Variants in DOCK7 observed in about 807,000 individuals in gnomAD.
DOCK7 encodes dedicator of cytokinesis protein 7.
DOCK7 carries 138 observed loss-of-function variants against 271.0 expected under a neutral mutation model. The ratio of observed to expected loss-of-function variants is 0.51; its 90% CI spans 0.44 to 0.59. The LOEUF (loss-of-function observed/expected upper bound fraction) is 0.59. Ranked by LOEUF, DOCK7 falls within the 20% of genes least tolerant of loss-of-function variation. DOCK7 has a pLI of 0.00. For missense variants in DOCK7, 2,066 were observed against 2,592.4 expected (o/e 0.80, Z 4.41); for synonymous variants, 823 against 876.1 (o/e 0.94, Z 1.07).
intron 14 of DOCK7, chr1:62,607,625 G>C (rs1394531936): frequency 6.6e-6 from 1 of 152,200 alleles, no homozygotes; most frequent in Non-Finnish European, 1.5e-5. Flanking sequence ...TACTGAAGAA[G>C]TGTAACAGCA....
At chr1:62,531,237 T>C (rs1345101961) in intron 29 of DOCK7, among the ~76,000 whole-genome samples, 1 of 152,236 alleles carries the variant, frequency 6.6e-6, no homozygotes, top group Non-Finnish European at 1.5e-5. Context: ...AGGTATGCCT[T>C]ATCTCTCAGC....
chr1:62,489,064 G>C lies in DOCK7; in HGVS notation c.5363C>G (p.Ala1788Gly), dbSNP rs753066795. The change falls in exon 42 of 50, where the codon GCT becomes GGT. Residue 1788 changes from alanine to glycine, a missense_variant and splice_region_variant. Ala to Gly is a moderately conservative substitution (Grantham distance 60). Transcript: ENST00000635253. ...LEQAAASFSM[A>G]GMYEAVNEVY... is the part of the protein sequence containing the mutation. ...TTCATTAACTGCTTCATACATGCCA[G>C]CCTATAAGAAAAAATTTTGTTAAGA... 5 of 1,550,802 alleles carry C rather than the reference G, an allele frequency of 3.2e-6. No individual in the cohort carries two copies. In the East Asian group the frequency reaches 1.1e-4, roughly 36 times the overall value.
intron 49 of DOCK7, among the ~76,000 whole-genome samples, chr1:62,456,930 C>T (rs980109372): frequency 2.0e-5 from 3 of 152,218 alleles, no homozygotes; most frequent in Admixed American, 6.5e-5. Flanking sequence ...TATGTAAATT[C>T]GATTTCAAAA....
intron 2 of DOCK7, among the ~76,000 whole-genome samples, chr1:62,662,481 G>A (rs888822112): frequency 2.6e-5 from 4 of 152,056 alleles, no homozygotes; most frequent in Admixed American, 2.6e-4. Flanking sequence ...AAAGTTCTAG[G>A]GCCGGACGCG....
At chr1:62,576,737 C>A (rs556626836) in intron 18 of DOCK7, among the ~76,000 whole-genome samples, 3 of 152,154 alleles carry the variant, frequency 2.0e-5, no homozygotes, top group African/African-American at 7.2e-5. Flanking sequence ...GAGATTTTTC[C>A]AATATTTGTG....
intron 14 of DOCK7, among the ~76,000 whole-genome samples, chr1:62,614,724 T>C (rs938306872): frequency 6.6e-6 from 1 of 152,004 alleles, no homozygotes; most frequent in Non-Finnish European, 1.5e-5. Context: ...ATATAGGTAC[T>C]TTTATTATAC....
intron 1 of DOCK7, among the ~76,000 whole-genome samples, chr1:62,679,678 T>C (rs1660895578): frequency 1.3e-5 from 2 of 152,182 alleles, no homozygotes; most frequent in Admixed American, 6.5e-5. Context: ...AGCAACATTG[T>C]TGTGAGACTG....
At chr1:62,499,238 C>A (rs1646710129) in intron 37 of DOCK7, among the ~76,000 whole-genome samples, 1 of 152,138 alleles carries the variant, frequency 6.6e-6, no homozygotes, top group South Asian at 2.1e-4. Context: ...GACTTTATTT[C>A]ATAAACAAAG....
chr1:62,662,214 G>C (rs912751697), intron 2 of DOCK7, among the ~76,000 whole-genome samples: 1 of 151,894 alleles, frequency 6.6e-6, no homozygotes, highest in Non-Finnish European at 1.5e-5. Flanking sequence ...GACAAATGGA[G>C]GTATGTTTTT....
At chr1:62,516,723 C>T (rs1644672608) in intron 31 of DOCK7, 1 of 152,204 alleles carries the variant, frequency 6.6e-6, no homozygotes, top group Non-Finnish European at 1.5e-5. Flanking sequence ...CCTCAACAGG[C>T]CCAGCCTTCA....
intron 48 of DOCK7, among the ~76,000 whole-genome samples, chr1:62,464,902 G>C (rs1168203321): frequency 6.6e-6 from 1 of 152,114 alleles, no homozygotes; most frequent in Non-Finnish European, 1.5e-5. Flanking sequence ...AAATTGTGTA[G>C]TTGAGAAAAA....
intron 4 of DOCK7, among the ~76,000 whole-genome samples, 171 bp downstream of exon 4, chr1:62,653,554 T>C (rs967815821): frequency 4.6e-5 from 7 of 152,208 alleles, no homozygotes; most frequent in Non-Finnish European, 1.0e-4. Context: ...AAAGTAAAAG[T>C]ATTACAGAAA....
At chr1:62,676,726 A>G (rs1056662674) in intron 1 of DOCK7, among the ~76,000 whole-genome samples, 3 of 152,240 alleles carry the variant, frequency 2.0e-5, no homozygotes, top group African/African-American at 7.2e-5. Context: ...TATGAAAATT[A>G]TTAAATGGTT....
In DOCK7 at chr1:62,513,895, C is replaced by G. The variant is rs1195242463; in HGVS notation, c.3940G>C (p.Gly1314Arg). ...GCTGAAAAGGTAGTGTGTTGCCTGC[C>G]ACTCTGAAAATAAAGAGCAGTAGAA... ...PGSFLLTSTS[G>R]RQHTTFSAES... Residue 1314 changes from glycine to arginine, a missense_variant, in exon 32 of 50, where the codon GGC becomes CGC. By Grantham distance (125) the Gly-to-Arg change is moderately radical (BLOSUM62 -2). This residue lies in a region of DOCK7 where 1,414 missense variants were observed against 1,670.4 expected (regional missense o/e 0.85). Transcript: ENST00000635253. 6.2e-7 allele frequency: 1 copy of G among 1,610,964 alleles called. No individual in the cohort carries two copies. The highest frequency in any genetic ancestry group is 1.1e-5 in the South Asian group (1 of 90,282).
At position 62,510,603 on chromosome 1, in the gene DOCK7, C is replaced by T; in HGVS notation, c.4353G>A (p.Trp1451Ter). ...TGTCAAGCTTCTCTGTGTTTTGACGCCAGTGAGTCATATCTTTCCTCCACC... is the reference window on the plus strand; with the variant it reads ...TGTCAAGCTTCTCTGTGTTTTGACGTCAGTGAGTCATATCTTTCCTCCACC... ...NLRWRKDMTH[W>*]RQNTEKLDKS... The change falls in exon 34 of 50, where the codon TGG (tryptophan) becomes TGA (stop). Residue 1451 changes from tryptophan to a stop codon, truncating the protein, a stop_gained. Coordinates refer to ENST00000635253, the MANE Select transcript of DOCK7 (RefSeq NM_001367561.1). LOFTEE classifies it high-confidence loss of function. The T allele has an allele frequency of 1.2e-6, 2 of 1,613,208 alleles. No homozygotes were observed. Among genetic ancestry groups the T allele is most frequent in the Non-Finnish European group, 1.7e-6 (2 of 1,179,504 alleles).
chr1:62,551,809 T>C (rs1020250307), intron 22 of DOCK7, among the ~76,000 whole-genome samples: 1 of 151,178 alleles, frequency 6.6e-6, no homozygotes, highest in African/African-American at 2.4e-5. Flanking sequence ...TATATTTTTA[T>C]ATATATTTTA....
chr1:62,677,448 A>G (rs1470429487), intron 1 of DOCK7, among the ~76,000 whole-genome samples: 1 of 152,182 alleles, frequency 6.6e-6, no homozygotes, highest in Non-Finnish European at 1.5e-5. Flanking sequence ...CGAAGATAAG[A>G]GGCTGCTGAC....
chr1:62,583,807 T>G (rs1312764119), intron 15 of DOCK7, among the ~76,000 whole-genome samples: 1 of 152,136 alleles, frequency 6.6e-6, no homozygotes, highest in Non-Finnish European at 1.5e-5. Context: ...ATATATATTT[T>G]TAATCCACCA....
At chr1:62,574,483 T>C (rs1046295566) in intron 18 of DOCK7, among the ~76,000 whole-genome samples, 4 of 151,878 alleles carry the variant, frequency 2.6e-5, no homozygotes, top group Admixed American at 6.6e-5. Context: ...CACAAGCTCA[T>C]AGACACCAGA....
Sources: allele counts gnomAD v4.1 joint callset (sites outside exome capture counted in the v4.1 genomes callset), GRCh38; gene constraint gnomAD v4.1.1; regional missense constraint gnomAD v4.1.1; transcripts MANE v1.5; gene names NCBI Gene and HGNC (gene_info 2026-07-23, HGNC 2026-07-21).